The following NRXN1 variants were observed in gnomAD, a reference collection of about 807,000 sequenced individuals.
NRXN1 encodes the protein neurexin 1.
In NRXN1, 39 loss-of-function variants were observed where a neutral mutation model predicts 150.9. The ratio of observed to expected loss-of-function variants is 0.26; its 90% confidence interval spans 0.20 to 0.34. NRXN1 has a LOEUF of 0.34. Ranked by LOEUF, NRXN1 falls within the 10% of genes least tolerant of loss-of-function variation. The pLI is 1.00. For missense variants in NRXN1, 1,815 were observed against 1,949.9 expected (o/e 0.93, Z 1.30); for synonymous variants, 924 against 757.0 (o/e 1.22, Z -3.62).
At chr2:50,410,929 A>G (rs1236019702) in intron 17 of NRXN1, among the ~76,000 whole-genome samples, 1 of 152,208 alleles carries the variant, frequency 6.6e-6, no homozygotes, top group Non-Finnish European at 1.5e-5. Flanking sequence ...AACTGCCTGA[A>G]CTGTGTTAAG....
chr2:49,969,844 T>C (rs1677637333), intron 21 of NRXN1: 1 of 152,120 alleles, frequency 6.6e-6, no homozygotes, highest in South Asian at 2.1e-4. Context: ...CTTCACTGTA[T>C]CCATGACTTT....
In NRXN1 at chr2:50,368,437, T is replaced by C. The variant is rs558431572; in HGVS notation, c.3364+97005A>G. Reference sequence around the variant, plus strand: ...CCTGGGGATTTTTACTAAACAAAAATGTAACAGGCAAATTTGATGGACCTT... The same window carrying C: ...CCTGGGGATTTTTACTAAACAAAAACGTAACAGGCAAATTTGATGGACCTT... On this transcript the variant is annotated intron_variant, in intron 17 of 22. Transcript: ENST00000401669. Among the ~76,000 whole-genome samples, 10 of 152,088 alleles carry C rather than the reference T, an allele frequency of 6.6e-5. No individual in the cohort carries two copies. In the East Asian group the frequency reaches 1.9e-3, roughly 29 times the overall value.
intron 17 of NRXN1, among the ~76,000 whole-genome samples, chr2:50,316,938 T>C (rs2075656015): frequency 6.6e-6 from 1 of 151,972 alleles, no homozygotes; most frequent in African/African-American, 2.4e-5. Context: ...CAACCTCAAT[T>C]ATCAATTTTC....
At chr2:50,286,893 GTAA>G (rs1203037798) in intron 17 of NRXN1, among the ~76,000 whole-genome samples, 1 of 152,052 alleles carries the variant, frequency 6.6e-6, no homozygotes, top group Non-Finnish European at 1.5e-5. Context: ...CTGGCTTTTT[GTAA>G]TAATACCATT....
chr2:50,466,862 T>C (rs1042603386), intron 16 of NRXN1, among the ~76,000 whole-genome samples: 2 of 151,814 alleles, frequency 1.3e-5, no homozygotes, highest in South Asian at 4.1e-4. Context: ...CATGTGCAGA[T>C]ACAGTGTAGA....
At chr2:50,828,100 C>G (rs960190403) in intron 5 of NRXN1, among the ~76,000 whole-genome samples, 1 of 151,550 alleles carries the variant, frequency 6.6e-6, no homozygotes, top group African/African-American at 2.4e-5. Flanking sequence ...CATCATGGCC[C>G]GTTCTCAATG....
At chr2:50,180,165 G>A (rs2060611813) in intron 18 of NRXN1, among the ~76,000 whole-genome samples, 2 of 151,076 alleles carry the variant, frequency 1.3e-5, no homozygotes, top group Admixed American at 6.6e-5. Flanking sequence ...AAGAATACAG[G>A]GCGGTGCCCC....
At position 50,518,908 on chromosome 2, in the gene NRXN1, T is replaced by A. The variant is rs932300123; in HGVS notation, c.2374+9717A>T. On this transcript the variant is annotated intron_variant, in intron 12 of 22. Transcript: ENST00000401669. ...CTTTTTCCAAAAGTAAGAAGCATAT[T>A]AGAGAAAAAAACCCTAAGTTTCTGC... is the stretch of plus-strand genomic sequence containing the variant. 1.1e-4 allele frequency among the ~76,000 whole-genome samples: 4 copies of A among 37,916 alleles called. No individual in the cohort carries two copies. In the East Asian group the frequency reaches 1.5e-3, roughly 14 times the overall value. 24.9% of individuals were successfully genotyped at this position (37,916 alleles called of 152,430 possible). A position where few individuals can be genotyped will look rare whatever the true frequency, so the allele number is the denominator to read the frequency against.
At chr2:50,628,952 C>A (rs929580468) in intron 5 of NRXN1, among the ~76,000 whole-genome samples, 2 of 151,530 alleles carry the variant, frequency 1.3e-5, no homozygotes, top group African/African-American at 4.8e-5. Context: ...ACAGCACACT[C>A]CACAGAATGA....
intron 5 of NRXN1, among the ~76,000 whole-genome samples, chr2:50,734,689 T>C (rs1305133175): frequency 6.6e-6 from 1 of 151,620 alleles, no homozygotes; most frequent in Non-Finnish European, 1.5e-5. Flanking sequence ...TGTACCTATG[T>C]ACCTTAAAAC....
intron 18 of NRXN1, among the ~76,000 whole-genome samples, chr2:50,104,845 C>T (rs931273244): frequency 1.3e-5 from 2 of 151,868 alleles, no homozygotes; most frequent in African/African-American, 2.4e-5. Flanking sequence ...ATTAATAAGG[C>T]TCTTTGAAAA....
intron 18 of NRXN1, among the ~76,000 whole-genome samples, chr2:50,155,482 T>G (rs1043835834): frequency 2.6e-5 from 4 of 151,408 alleles, no homozygotes; most frequent in Non-Finnish European, 5.9e-5. Context: ...ATTACAATGC[T>G]GACAAATGTA....
intron 18 of NRXN1, among the ~76,000 whole-genome samples, chr2:50,226,627 T>A (rs1364647124): frequency 2.6e-5 from 4 of 151,940 alleles, no homozygotes; most frequent in Non-Finnish European, 1.5e-5. Context: ...AAGTCTAGAT[T>A]GTGCATACAT....
At chr2:50,501,169 G>C (rs1480735086) in intron 13 of NRXN1, among the ~76,000 whole-genome samples, 1 of 152,160 alleles carries the variant, frequency 6.6e-6, no homozygotes, top group East Asian at 1.9e-4. Context: ...ATTGGAGAAA[G>C]GGAATCAAGG....
chr2:50,996,846 T>C (rs1016554205), intron 2 of NRXN1, among the ~76,000 whole-genome samples: 1 of 152,006 alleles, frequency 6.6e-6, no homozygotes, highest in Non-Finnish European at 1.5e-5. Flanking sequence ...TCCCTTTACA[T>C]TAGGATTCTT....
chr2:50,327,623 T>TTCCC (rs2076471934), intron 17 of NRXN1, among the ~76,000 whole-genome samples: 3 of 150,880 alleles, frequency 2.0e-5, no homozygotes, highest in Non-Finnish European at 4.4e-5. Flanking sequence ...CCCTCCCTCC[T>TTCCC]TCCCTCCCTT....
chr2:49,968,379 A>G (rs1200179389), intron 21 of NRXN1, among the ~76,000 whole-genome samples: 1 of 152,106 alleles, frequency 6.6e-6, no homozygotes, highest in Non-Finnish European at 1.5e-5. Flanking sequence ...TTAAACAAAA[A>G]GTTGCATCCA....
chr2:50,474,002 C>T (rs2089753732), intron 15 of NRXN1, among the ~76,000 whole-genome samples: 1 of 151,824 alleles, frequency 6.6e-6, no homozygotes, highest in Non-Finnish European at 1.5e-5. Flanking sequence ...AGTTTTATAA[C>T]TATATAATTT....
At chr2:50,865,053 C>T (rs570671457) in intron 5 of NRXN1, among the ~76,000 whole-genome samples, 22 of 151,688 alleles carry the variant, frequency 1.5e-4, no homozygotes, top group African/African-American at 2.4e-4. Context: ...GAAAAGAGTG[C>T]GTGTGTGTGT....
Sources: allele counts gnomAD v4.1 joint callset (sites outside exome capture counted in the v4.1 genomes callset), GRCh38; gene constraint gnomAD v4.1.1; transcripts MANE v1.5; gene names NCBI Gene and HGNC (gene_info 2026-07-23, HGNC 2026-07-21).